Variants in ZBTB7C observed in about 807,000 individuals in gnomAD.
ZBTB7C encodes zinc finger and BTB domain-containing protein 7C.
In ZBTB7C, 8 loss-of-function variants were observed where a neutral mutation model predicts 25.7. The observed-to-expected ratio is 0.31, with a 90% CI of 0.18 to 0.56. ZBTB7C has a LOEUF of 0.56. ZBTB7C is among the 20% of genes least tolerant of loss of function. The pLI, the probability that ZBTB7C is intolerant of heterozygous loss-of-function variation, is 0.91. For missense variants in ZBTB7C, 824 were observed against 855.2 expected (o/e 0.96, Z 0.46); for synonymous variants, 394 against 369.0 (o/e 1.07, Z -0.78).
At chr18:48,297,740 A>G (rs1233616539) in intron 2 of ZBTB7C, among the ~76,000 whole-genome samples, 1 of 152,202 alleles carries the variant, frequency 6.6e-6, no homozygotes, top group Non-Finnish European at 1.5e-5. Context: ...ATGCCTGCTA[A>G]TGTCCCTGCA....
intron 2 of ZBTB7C, among the ~76,000 whole-genome samples, chr18:48,211,156 C>T (rs974038658): frequency 6.6e-6 from 1 of 152,074 alleles, no homozygotes; most frequent in Non-Finnish European, 1.5e-5. Context: ...TTAATCTAGA[C>T]AAAGACCTCA....
chr18:48,376,186 C>A (rs2047514707), intron 1 of ZBTB7C, among the ~76,000 whole-genome samples: 1 of 152,210 alleles, frequency 6.6e-6, no homozygotes, highest in Admixed American at 6.5e-5. Context: ...TAAACTAATC[C>A]ATATTAAGTT....
chr18:48,403,492 C>G (rs1442797713), intron 1 of ZBTB7C, among the ~76,000 whole-genome samples: 1 of 152,202 alleles, frequency 6.6e-6, no homozygotes, highest in African/African-American at 2.4e-5. Flanking sequence ...TTCACATACC[C>G]CAACAGCACT....
intron 3 of ZBTB7C, among the ~76,000 whole-genome samples, chr18:48,137,561 C>T (rs2040213903): frequency 6.6e-6 from 1 of 152,194 alleles, no homozygotes; most frequent in African/African-American, 2.4e-5. Flanking sequence ...GAAACCTAAG[C>T]CCAATAAAAT....
intron 1 of ZBTB7C, among the ~76,000 whole-genome samples, chr18:48,392,065 C>T (rs2145264780): frequency 6.6e-6 from 1 of 152,292 alleles, no homozygotes; most frequent in East Asian, 1.9e-4. Context: ...CTTTCTGCCC[C>T]ATTCGTTGGC....
At chr18:48,357,381 G>A (rs1275227700) in intron 1 of ZBTB7C, among the ~76,000 whole-genome samples, 1 of 152,192 alleles carries the variant, frequency 6.6e-6, no homozygotes, top group Admixed American at 6.5e-5. Flanking sequence ...GAACTGGGAC[G>A]CAGAGCTCAC....
chr18:48,200,301 C>A (rs186155813), intron 2 of ZBTB7C, among the ~76,000 whole-genome samples: 3 of 152,178 alleles, frequency 2.0e-5, no homozygotes, highest in East Asian at 3.9e-4. Flanking sequence ...AAAACCCAAC[C>A]GAGACATATT....
chr18:48,262,767 T>C (rs1423295324), intron 2 of ZBTB7C, among the ~76,000 whole-genome samples: 2 of 152,120 alleles, frequency 1.3e-5, no homozygotes, highest in Non-Finnish European at 2.9e-5. Flanking sequence ...GTTTTGTCTT[T>C]AGGGCTATGT....
At chr18:48,411,720 G>T (rs2048384931), upstream of ZBTB7C, among the ~76,000 whole-genome samples, 1 of 152,220 alleles carries the variant, frequency 6.6e-6, no homozygotes, top group Non-Finnish European at 1.5e-5. Flanking sequence ...TTTAGGTTGA[G>T]AAAAGAGGGA....
At chr18:48,320,203 T>C (rs112451039) in intron 2 of ZBTB7C, among the ~76,000 whole-genome samples, 2,938 of 151,794 alleles carry the variant, frequency 0.019, 110 homozygotes, top group African/African-American at 0.068. Context: ...GCAAAGGGCA[T>C]ATCCCAGGCC....
intron 3 of ZBTB7C, among the ~76,000 whole-genome samples, chr18:48,123,221 T>C (rs1338224752): frequency 1.3e-5 from 2 of 152,128 alleles, no homozygotes; most frequent in East Asian, 3.9e-4. Context: ...GAAAGCAATA[T>C]AGGATATACT....
At chr18:48,043,829 A>T (rs1344208138) in intron 3 of ZBTB7C, among the ~76,000 whole-genome samples, 1 of 152,202 alleles carries the variant, frequency 6.6e-6, no homozygotes, top group Non-Finnish European at 1.5e-5. Context: ...GAAGCAAATG[A>T]CGGGAAACAA....
chr18:48,191,514 C>T (rs1568291535), intron 2 of ZBTB7C, among the ~76,000 whole-genome samples: 3 of 152,234 alleles, frequency 2.0e-5, no homozygotes, highest in Non-Finnish European at 4.4e-5. Flanking sequence ...CTGGCTTTTC[C>T]CTGGGAGGTG....
chr18:48,047,884 GATA>G (rs1198054479), intron 3 of ZBTB7C, among the ~76,000 whole-genome samples: 2 of 152,218 alleles, frequency 1.3e-5, no homozygotes, highest in African/African-American at 4.8e-5. Flanking sequence ...CCAATTTACA[GATA>G]ATAAAACAGG....
At chr18:48,173,376 T>C (rs1356508472) in intron 3 of ZBTB7C, among the ~76,000 whole-genome samples, 1 of 152,156 alleles carries the variant, frequency 6.6e-6, no homozygotes, top group Non-Finnish European at 1.5e-5. Context: ...TTTCTTAAAG[T>C]CCTGCAGTGG....
At chr18:48,398,184 G>A (rs148539082) in intron 1 of ZBTB7C, among the ~76,000 whole-genome samples, 9 of 152,350 alleles carry the variant, frequency 5.9e-5, no homozygotes, top group African/African-American at 2.2e-4. Context: ...TGTACACACA[G>A]GGACAAGTCC....
At chr18:48,196,723 T>C (rs2042326197) in intron 2 of ZBTB7C, among the ~76,000 whole-genome samples, 1 of 152,096 alleles carries the variant, frequency 6.6e-6, no homozygotes, top group African/African-American at 2.4e-5. Flanking sequence ...GGGTCACATA[T>C]AGCAAAAGTC....
chr18:48,369,832 A>T (rs984650760), intron 1 of ZBTB7C, among the ~76,000 whole-genome samples: 3 of 152,218 alleles, frequency 2.0e-5, no homozygotes, highest in Non-Finnish European at 4.4e-5. Flanking sequence ...ACAACAATTA[A>T]TAAAACAACT....
Position 48,206,166 on chromosome 18 carries a change from T to A in ZBTB7C, c.-78-20171A>T, listed in dbSNP as rs141192378. 2.5e-3 allele frequency among the ~76,000 whole-genome samples: 382 copies of A among 152,278 alleles called. 1 individual carries two copies. Among genetic ancestry groups the A allele is most frequent in the African/African-American group, 8.8e-3 (366 of 41,556 alleles). On this transcript the variant is annotated intron_variant, in intron 2 of 4. Coordinates refer to ENST00000590800, the MANE Select transcript of ZBTB7C (RefSeq NM_001318841.2). ...CAATAATGAAGAAGAACAAAGAGAA[T>A]TTACACTATGTGATATCAAAACTTC...
Sources: gnomAD v4.1 joint callset for allele counts (sites outside exome capture counted in the v4.1 genomes callset) on GRCh38, gnomAD v4.1.1 for gene constraint, MANE v1.5 for transcripts, NCBI Gene and HGNC (gene_info 2026-07-23, HGNC 2026-07-21) for gene names.